The following NOX5 variants were observed in gnomAD, a reference collection of about 807,000 sequenced individuals.
The protein encoded by NOX5 is NADPH oxidase, EF-hand calcium binding domain 5.
NOX5 carries 76 observed loss-of-function variants against 85.7 expected under a neutral mutation model. That is an observed-to-expected ratio of 0.89 (90% CI 0.74 to 1.07). The LOEUF (loss-of-function observed/expected upper bound fraction) is 1.07. Among genes scored for constraint, NOX5 ranks in the 50% least tolerant of loss-of-function variants. The pLI, the probability that NOX5 is intolerant of heterozygous loss-of-function variation, is 0.00. For synonymous variants in NOX5, 405 were observed against 401.4 expected, an observed-to-expected ratio of 1.01 and a Z score of -0.11; for missense variants, 973 against 999.5, an observed-to-expected ratio of 0.97 and a Z score of 0.36.
chr15:69,022,752 A>G (rs879252028), intron 1 of NOX5: 15 of 189,734 alleles, frequency 7.9e-5, no homozygotes, highest in South Asian at 4.0e-4. Context: ...TTTCAAGGTT[A>G]GAATTCAATT....
In NOX5 at chr15:69,049,050, C is replaced by T. The variant is rs2140278279; in HGVS notation, c.1991C>T (p.Ala664Val). ...CTGGAGATGGACCAGGCCGAGGAGGCTCAATACGGTAAGAGAGGGACAGGG... is the reference window on the plus strand; with the variant it reads ...CTGGAGATGGACCAGGCCGAGGAGGTTCAATACGGTAAGAGAGGGACAGGG... ...TKLEMDQAEE[A>V]QYGRFLELHM... Residue 664 changes from alanine (A) to valine (V), a missense_variant, in exon 14 of 16, where the codon GCT becomes GTT. Coordinates refer to ENST00000388866, the MANE Select transcript of NOX5 (RefSeq NM_024505.4). 1 of 1,610,654 alleles carries T rather than the reference C, an allele frequency of 6.2e-7. No homozygotes were observed.
intron 1 of NOX5, among the ~76,000 whole-genome samples, chr15:69,018,847 C>CTATAT (rs2050264167): frequency 1.3e-5 from 2 of 151,896 alleles, no homozygotes; most frequent in Non-Finnish European, 2.9e-5. Context: ...TTTTTGTTTG[C>CTATAT]TCTATTCTAT....
chr15:69,044,779 T>C (rs2050641286), intron 10 of NOX5, among the ~76,000 whole-genome samples: 1 of 152,262 alleles, frequency 6.6e-6, no homozygotes. Context: ...TATTGTTTAA[T>C]AGTTTCTATA....
At chr15:69,043,783 C>T (rs141503315) in intron 10 of NOX5, among the ~76,000 whole-genome samples, 84 of 152,246 alleles carry the variant, frequency 5.5e-4, no homozygotes, top group Non-Finnish European at 8.1e-4. Context: ...TCACCTCTGC[C>T]ACTATAAATT....
At position 69,029,225 on chromosome 15, in the gene NOX5, C is replaced by A. The variant is rs1257602110; in HGVS notation, c.325+860C>A. 7 of 152,176 alleles carry A rather than the reference C, an allele frequency of 4.6e-5. No individual in the cohort carries two copies. The South Asian group carries it at 1.4e-3, about 32-fold the overall frequency. The allele number at this position is 152,176 out of a possible 1,614,324, so 9.4% of individuals were successfully genotyped here. A position where few individuals can be genotyped will look rare whatever the true frequency, so the allele number is the denominator to read the frequency against. On this transcript the variant is annotated intron_variant, in intron 3 of 15. Coordinates refer to ENST00000388866, the MANE Select transcript of NOX5 (RefSeq NM_024505.4). ...TCTAAGAATCTGACTTCTCTAGGCA[C>A]CTCATCTAAGTGGGATTATACAATA...
rs1390162839 is a variant in NOX5 at position 69,031,813 on chromosome 15, G to A, written c.620+1G>A. The A allele has an allele frequency of 6.3e-7, 1 of 1,592,552 alleles. No homozygotes were observed. Among genetic ancestry groups the A allele is most frequent in the Middle Eastern group, 1.9e-4 (1 of 5,364 alleles). On this transcript the variant is annotated splice_donor_variant, in intron 4 of 15. Transcript: ENST00000388866. LOFTEE classifies it high-confidence loss of function. ...GAGTCATGGAGAACCTGACCATCAG[G>A]TACGGCCGGGTCTCGGGCATTGGCA...
At position 69,046,822 on chromosome 15, in the gene NOX5, G is replaced by A; in HGVS notation, c.1648G>A (p.Gly550Ser). The A allele has an allele frequency of 6.2e-7, 1 of 1,613,604 alleles. No individual in the cohort carries two copies. The highest frequency in any genetic ancestry group is 8.5e-7 in the Non-Finnish European group (1 of 1,179,664). ...TAACTCTCTGCTCTACTCCCTGCAG[G>A]GCTCTGAGATACTTTTGGAGAAACA... is the stretch of plus-strand genomic sequence containing the variant. ...TMRKSQRSSK[G>S]SEILLEKHKF... The change falls in exon 11 of 16, where the codon GGC becomes AGC. Residue 550 changes from glycine to serine, a missense_variant and splice_region_variant. Physicochemically the swap from Gly to Ser is moderately conservative, Grantham distance 56. Coordinates refer to ENST00000388866, the MANE Select transcript of NOX5 (RefSeq NM_024505.4).
Position 69,026,457 on chromosome 15 carries a change from T to A in NOX5, c.51-71T>A. Reference sequence around the variant, plus strand: ...CCTAGTTAGAGCAAGGCAGAGGCCCTGGGACCACCATGAGACCTCATAAGG... The same window carrying A: ...CCTAGTTAGAGCAAGGCAGAGGCCCAGGGACCACCATGAGACCTCATAAGG... On this transcript the variant is annotated intron_variant, in intron 1 of 15. Transcript: ENST00000388866. The A allele has an allele frequency of 5.0e-6, 8 of 1,602,546 alleles. 1 individual carries two copies. In the South Asian group the frequency reaches 6.7e-5, roughly 13 times the overall value.
chr15:69,048,546 T>G (rs1439435428), intron 13 of NOX5, among the ~76,000 whole-genome samples: 1 of 149,722 alleles, frequency 6.7e-6, no homozygotes, highest in Non-Finnish European at 1.5e-5. Flanking sequence ...AAAGAAATAA[T>G]AAAAATAATA....
intron 4 of NOX5, 138 bp downstream of exon 4, chr15:69,031,950 A>C: frequency 1.2e-6 from 1 of 827,108 alleles, no homozygotes; most frequent in East Asian, 2.8e-5. Context: ...CCCACTCTTG[A>C]GTGTACTGCA....
chr15:69,041,047 TG>T (rs924933988), intron 9 of NOX5, among the ~76,000 whole-genome samples: 1 of 152,200 alleles, frequency 6.6e-6, no homozygotes, highest in African/African-American at 2.4e-5. Flanking sequence ...CCTTGGACCC[TG>T]GGAGAGTCTC....
At chr15:69,023,107 G>C (rs909705673) in intron 1 of NOX5, 1 of 404,728 alleles carries the variant, frequency 2.5e-6, no homozygotes, top group African/African-American at 2.1e-5. Context: ...TTCTTCCTGG[G>C]TGTCATTAAT....
intron 14 of NOX5, among the ~76,000 whole-genome samples, chr15:69,053,409 T>A (rs2050773481): frequency 6.6e-6 from 1 of 152,180 alleles, no homozygotes; most frequent in South Asian, 2.1e-4. Flanking sequence ...GTGGTGGTAA[T>A]AGTAACTGCT....
intron 15 of NOX5, among the ~76,000 whole-genome samples, chr15:69,055,816 A>G (rs2140284923): frequency 6.6e-6 from 1 of 152,366 alleles, no homozygotes; most frequent in African/African-American, 2.4e-5. Flanking sequence ...CTGGAAAAAC[A>G]ACAAATCTTA....
At chr15:69,039,059 G>A (rs2050559415) in intron 9 of NOX5, 70 bp downstream of exon 9, 2 of 1,541,692 alleles carry the variant, frequency 1.3e-6, no homozygotes, top group African/African-American at 1.4e-5. Flanking sequence ...AGTACAGGCT[G>A]GAAACTCGGA....
chr15:69,035,866 C>G lies in NOX5; in HGVS notation c.1118C>G (p.Ala373Gly). 1 of 1,614,198 alleles carries G rather than the reference C, an allele frequency of 6.2e-7. No homozygotes were observed. The highest frequency in any genetic ancestry group is 1.7e-5 in the Admixed American group (1 of 60,028). ...VHGSASPTGV[A>G]LLLLLLLMFI... ...GGTTCGGCCTCCCCGACAGGTGTCG[C>G]TCTGCTGCTGCTGCTCCTCCTCATG... Residue 373 changes from alanine (A) to glycine (G), a missense_variant, in exon 7 of 16, where the codon GCT (alanine) becomes GGT (glycine). By Grantham distance (60) the Ala-to-Gly change is moderately conservative (BLOSUM62 0). Transcript: ENST00000388866.
chr15:69,031,766 G>C lies in NOX5; in HGVS notation c.574G>C (p.Asp192His). 6.2e-7 allele frequency: 1 copy of C among 1,608,420 alleles called. No individual in the cohort carries two copies. Among genetic ancestry groups the C allele is most frequent in the African/African-American group, 1.3e-5 (1 of 74,988 alleles). ...GGCCATCACCTTCGAGGAGCTCCGG[G>C]ACGAGCTGCAGCGCTTCCCCGGAGT... ...NGAITFEELRDELQRFPGVME... is the reference protein window; with the variant it reads ...NGAITFEELRHELQRFPGVME... Residue 192 changes from aspartate to histidine, a missense_variant, in exon 4 of 16, where the codon GAC becomes CAC. Coordinates refer to ENST00000388866, the MANE Select transcript of NOX5 (RefSeq NM_024505.4).
chr15:69,046,782 C>G, intron 10 of NOX5, 40 bp from the exon 11 acceptor site: 1 of 1,590,376 alleles, frequency 6.3e-7, no homozygotes, highest in South Asian at 1.1e-5. Context: ...CTAACACTGT[C>G]CATTCCAAGA....
chr15:69,018,271 T>C (rs1039972083), intron 1 of NOX5, among the ~76,000 whole-genome samples: 1 of 151,886 alleles, frequency 6.6e-6, no homozygotes, highest in Non-Finnish European at 1.5e-5. Context: ...GGGGACCGGG[T>C]ACTTGCTCAG....
Sources: gnomAD v4.1 joint callset for allele counts (sites outside exome capture counted in the v4.1 genomes callset) on GRCh38, gnomAD v4.1.1 for gene constraint, MANE v1.5 for transcripts, NCBI Gene and HGNC (gene_info 2026-07-23, HGNC 2026-07-21) for gene names.